FAM78B: variants seen among roughly 807,000 people sequenced by gnomAD.
FAM78B encodes family with sequence similarity 78 member B.
FAM78B carries 10 observed loss-of-function variants against 20.0 expected under a neutral mutation model. The ratio of observed to expected loss-of-function variants is 0.50; its 90% CI spans 0.31 to 0.85. FAM78B has a LOEUF of 0.85. FAM78B is among the 40% of genes least tolerant of loss of function. The pLI is 0.05. For synonymous variants in FAM78B, 135 were observed against 132.8 expected (o/e 1.02, Z -0.12); for missense variants, 283 against 345.0 (o/e 0.82, Z 1.42).
rs1402129380 is a variant in FAM78B at position 166,166,842 on chromosome 1, A to T, written c.-594T>A. ...CAGCAGCGGCGGCGGCGGCGACCGG[A>T]GCTCCCGCCGGCCCCGCCCCGTAGC... On this transcript the variant is annotated 5_prime_UTR_variant, in exon 1 of 2. Transcript: ENST00000354422. 6 of 150,238 alleles carry T rather than the reference A, an allele frequency of 4.0e-5. 1 individual carries two copies. The South Asian group carries it at 9.7e-4, about 24-fold the overall frequency. The allele number at this position is 150,238 out of a possible 1,614,324, so 9.3% of individuals were successfully genotyped here.
chr1:166,073,801 G>A (rs937240118), intron 1 of FAM78B, among the ~76,000 whole-genome samples: 3 of 152,136 alleles, frequency 2.0e-5, no homozygotes, highest in Non-Finnish European at 1.5e-5. Context: ...TCTGCAAGGG[G>A]TGGCCCACTG....
intron 1 of FAM78B, among the ~76,000 whole-genome samples, chr1:166,152,636 G>A (rs1487563854): frequency 6.6e-6 from 1 of 151,110 alleles, no homozygotes; most frequent in African/African-American, 2.4e-5. Flanking sequence ...CATGCTCAGG[G>A]GAAGTTCTTG....
At chr1:166,095,827 G>C (rs554820157) in intron 1 of FAM78B, among the ~76,000 whole-genome samples, 1 of 152,200 alleles carries the variant, frequency 6.6e-6, no homozygotes, top group African/African-American at 2.4e-5. Flanking sequence ...GTGGTGACGA[G>C]TAGGGGGGCA....
rs532256301 is a variant in FAM78B at position 166,095,435 on chromosome 1, G to A, written c.264-24672C>T. ...AGTGGGCCAGGAACCAGGACAGGCA[G>A]ACAGGAATGCTGATGAGGCTCAAAT... is the stretch of plus-strand genomic sequence containing the variant. On this transcript the variant is annotated intron_variant, in intron 1 of 1. Transcript: ENST00000354422. Among the ~76,000 whole-genome samples the A allele has an allele frequency of 2.0e-5, 3 of 152,324 alleles. No homozygotes were observed. In the East Asian group the frequency reaches 5.8e-4, roughly 29 times the overall value.
intron 1 of FAM78B, among the ~76,000 whole-genome samples, chr1:166,084,642 CAG>C (rs1270857182): frequency 3.3e-5 from 5 of 152,348 alleles, no homozygotes; most frequent in African/African-American, 9.6e-5. Flanking sequence ...CCCAGGGATT[CAG>C]AGTGGCTTCC....
intron 1 of FAM78B, among the ~76,000 whole-genome samples, chr1:166,117,402 T>C (rs114274911): frequency 1.2e-3 from 180 of 152,294 alleles, no homozygotes; most frequent in Non-Finnish European, 9.8e-4. Flanking sequence ...TGAGTATCAG[T>C]TGTGAGGCAC....
chr1:166,095,132 G>A (rs1336154319), intron 1 of FAM78B, among the ~76,000 whole-genome samples: 1 of 152,156 alleles, frequency 6.6e-6, no homozygotes. Flanking sequence ...CCTTGCAGAA[G>A]CAAGTCTGCT....
chr1:166,092,802 G>A (rs1653131766), intron 1 of FAM78B, among the ~76,000 whole-genome samples: 1 of 152,224 alleles, frequency 6.6e-6, no homozygotes, highest in Admixed American at 6.5e-5. Flanking sequence ...TACAGTGAGA[G>A]TAAAAGAGGC....
At chr1:166,078,553 G>A (rs7533518) in intron 1 of FAM78B, among the ~76,000 whole-genome samples, 23,048 of 152,210 alleles carry the variant, frequency 0.15, 2,266 homozygotes, top group East Asian at 0.43. Context: ...ATCATGTTAA[G>A]CATTTCATTC....
intron 1 of FAM78B, among the ~76,000 whole-genome samples, chr1:166,096,905 G>C (rs1185731275): frequency 6.6e-6 from 1 of 152,156 alleles, no homozygotes; most frequent in Non-Finnish European, 1.5e-5. Flanking sequence ...ACAGAGCAGC[G>C]GGCGGCGGCT....
intron 2 of FAM78B, among the ~76,000 whole-genome samples, chr1:166,063,946 G>C (rs1234466331): frequency 6.6e-6 from 1 of 152,240 alleles, no homozygotes; most frequent in Non-Finnish European, 1.5e-5. Context: ...TGGCCACATG[G>C]CTTGCTGCCC....
chr1:166,134,309 G>A (rs1371228756), intron 1 of FAM78B, among the ~76,000 whole-genome samples: 1 of 149,692 alleles, frequency 6.7e-6, no homozygotes, highest in African/African-American at 2.5e-5. Flanking sequence ...GGCCTTGGAA[G>A]GCATTTAATC....
At chr1:166,116,228 G>C (rs990305341) in intron 1 of FAM78B, among the ~76,000 whole-genome samples, 1 of 152,180 alleles carries the variant, frequency 6.6e-6, no homozygotes, top group Non-Finnish European at 1.5e-5. Context: ...TCAGACATGT[G>C]TGCAGACTCC....
At position 166,145,902 on chromosome 1, in the gene FAM78B, T is replaced by C. The variant is rs148639685; in HGVS notation, c.263+20084A>G. On this transcript the variant is annotated intron_variant, in intron 1 of 1. Transcript: ENST00000354422. ...TCCTTCTGGCTTTGGACAATAAATA[T>C]ATTAAGGGGTAAGTTATTGGTCTAA... Among the ~76,000 whole-genome samples the C allele has an allele frequency of 1.8e-3, 276 of 152,306 alleles. 1 individual carries two copies. The highest frequency in any genetic ancestry group is 6.2e-3 in the African/African-American group (259 of 41,554).
chr1:166,133,593 A>G (rs1462437871), intron 1 of FAM78B, among the ~76,000 whole-genome samples: 3 of 86,136 alleles, frequency 3.5e-5, no homozygotes, highest in Non-Finnish European at 7.1e-5. Context: ...TGTAAAGTTG[A>G]GCAATCTTAA....
chr1:166,153,011 C>T (rs1465165822), intron 1 of FAM78B, among the ~76,000 whole-genome samples: 1 of 152,174 alleles, frequency 6.6e-6, no homozygotes, highest in African/African-American at 2.4e-5. Flanking sequence ...CCTCACCAGA[C>T]ATCCAGAACT....
intron 1 of FAM78B, among the ~76,000 whole-genome samples, chr1:166,104,563 GACAA>G (rs1173576137): frequency 3.4e-5 from 5 of 145,356 alleles, no homozygotes; most frequent in African/African-American, 9.8e-5. Context: ...ACCAATAACA[GACAA>G]ACAGAGAGCC....
At chr1:166,119,255 T>C (rs575022118) in intron 1 of FAM78B, among the ~76,000 whole-genome samples, 2 of 152,310 alleles carry the variant, frequency 1.3e-5, no homozygotes, top group South Asian at 2.1e-4. Context: ...TCCAGGGAAA[T>C]TACTCCAAGC....
intron 1 of FAM78B, among the ~76,000 whole-genome samples, chr1:166,132,746 C>G (rs1299629528): frequency 2.0e-5 from 3 of 152,198 alleles, no homozygotes; most frequent in Non-Finnish European, 2.9e-5. Context: ...GAGGAAACCA[C>G]TACAAAGATA....
Sources: allele counts gnomAD v4.1 joint callset (sites outside exome capture counted in the v4.1 genomes callset), GRCh38; gene constraint gnomAD v4.1.1; transcripts MANE v1.5; gene names NCBI Gene and HGNC (gene_info 2026-07-23, HGNC 2026-07-21).